The following TNRC6A variants were observed in gnomAD, a reference collection of about 807,000 sequenced individuals.
TNRC6A encodes trinucleotide repeat containing adaptor 6A.
In TNRC6A, 44 loss-of-function variants were observed where a neutral mutation model predicts 221.2. The ratio of observed to expected loss-of-function variants is 0.20; its 90% CI spans 0.16 to 0.26. The LOEUF (loss-of-function observed/expected upper bound fraction) is 0.26, where lower values mean the gene tolerates loss of function less well. Ranked by LOEUF, TNRC6A falls within the 10% of genes least tolerant of loss-of-function variation. The pLI is 1.00. For synonymous variants in TNRC6A, 847 were observed against 838.5 expected (o/e 1.01, Z -0.18); for missense variants, 2,199 against 2,404.4 (o/e 0.91, Z 1.79).
At chr16:24,741,845 TA>T (rs1220130605) in intron 2 of TNRC6A, among the ~76,000 whole-genome samples, 2 of 152,182 alleles carry the variant, frequency 1.3e-5, no homozygotes, top group African/African-American at 4.8e-5. Flanking sequence ...TTTATTTATT[TA>T]TTTTTTGGGG....
intron 2 of TNRC6A, among the ~76,000 whole-genome samples, chr16:24,703,050 TAAA>T (rs869123941): frequency 3.1e-4 from 5 of 16,336 alleles, no homozygotes; most frequent in African/African-American, 1.1e-3. Flanking sequence ...TAAAATAAAA[TAAA>T]ATAAAATAAA....
At chr16:24,652,159 TAAG>T (rs1902708410) in intron 2 of TNRC6A, among the ~76,000 whole-genome samples, 2 of 152,076 alleles carry the variant, frequency 1.3e-5, no homozygotes, top group South Asian at 2.1e-4. Context: ...TTGGATTTAA[TAAG>T]AAGAACGCAT....
intron 2 of TNRC6A, among the ~76,000 whole-genome samples, chr16:24,731,863 CTCTG>C (rs1458710867): frequency 1.3e-5 from 2 of 152,232 alleles, no homozygotes; most frequent in African/African-American, 4.8e-5. Flanking sequence ...CACTTAGCCT[CTCTG>C]TCCAATCTAT....
intron 5 of TNRC6A, chr16:24,778,535 A>G (rs1047184801): frequency 1.4e-5 from 14 of 973,448 alleles, no homozygotes; most frequent in Non-Finnish European, 1.7e-5. Context: ...GTCCTGAGTT[A>G]ATATTTACTT....
chr16:24,699,761 C>T (rs1351298348), intron 2 of TNRC6A, among the ~76,000 whole-genome samples: 1 of 148,078 alleles, frequency 6.8e-6, no homozygotes, highest in African/African-American at 2.5e-5. Flanking sequence ...ATAACAAATA[C>T]AAAAGCCCAG....
Position 24,804,324 on chromosome 16 carries a change from G to A in TNRC6A, c.3837+5G>A. Reference sequence around the variant, plus strand: ...CGCAATCCTTATTTTGATAAGGTAAGGTTTTTTACTTTTACCTCTGACTTG... The same window carrying A: ...CGCAATCCTTATTTTGATAAGGTAAAGTTTTTTACTTTTACCTCTGACTTG... On this transcript the variant is annotated splice_donor_5th_base_variant and intron_variant, in intron 12 of 24. Transcript: ENST00000395799. The A allele has an allele frequency of 6.2e-7, 1 of 1,609,310 alleles. No homozygotes were observed. Among genetic ancestry groups the A allele is most frequent in the Non-Finnish European group, 8.5e-7 (1 of 1,179,058 alleles).
intron 1 of TNRC6A, among the ~76,000 whole-genome samples, chr16:24,626,713 T>G (rs1342895408): frequency 2.7e-5 from 4 of 148,614 alleles, no homozygotes; most frequent in Non-Finnish European, 5.9e-5. Context: ...GCAGTGGCAC[T>G]ATCTCCGCTC....
intron 2 of TNRC6A, among the ~76,000 whole-genome samples, chr16:24,710,667 A>C (rs2056187441): frequency 6.6e-6 from 1 of 151,938 alleles, no homozygotes. Context: ...TTTAATTTAG[A>C]AGCATTTTGT....
chr16:24,817,063 A>C, intron 20 of TNRC6A, 107 bp downstream of exon 20: 2 of 1,183,482 alleles, frequency 1.7e-6, no homozygotes, highest in Non-Finnish European at 2.2e-6. Context: ...GTACTCTGGG[A>C]TCACTTGAGC....
At chr16:24,764,811 C>T (rs916636431) in intron 4 of TNRC6A, among the ~76,000 whole-genome samples, 2 of 152,132 alleles carry the variant, frequency 1.3e-5, no homozygotes, top group Non-Finnish European at 2.9e-5. Context: ...TGCTTGAAAT[C>T]TCGGATAGTA....
chr16:24,626,683 T>C (rs371083822), intron 1 of TNRC6A, among the ~76,000 whole-genome samples: 1 of 147,514 alleles, frequency 6.8e-6, no homozygotes, highest in South Asian at 2.2e-4. Context: ...GGAGTCTCAC[T>C]GTGTCGCCCA....
At chr16:24,761,866 A>C (rs1299631251) in intron 4 of TNRC6A, among the ~76,000 whole-genome samples, 2 of 151,986 alleles carry the variant, frequency 1.3e-5, no homozygotes, top group African/African-American at 4.8e-5. Context: ...TTGATTGTAC[A>C]TTCATTTCAA....
At chr16:24,684,602 G>A (rs762495249) in intron 2 of TNRC6A, among the ~76,000 whole-genome samples, 2 of 152,002 alleles carry the variant, frequency 1.3e-5, no homozygotes, top group Non-Finnish European at 2.9e-5. Flanking sequence ...GGCCAGGAGT[G>A]CAAGACCAAC....
Position 24,724,369 on chromosome 16 carries a change from ATAAT to A in TNRC6A, n.403-26348_403-26345del, listed in dbSNP as rs538310011. On this transcript the variant is annotated intron_variant and non_coding_transcript_variant, in intron 2 of 2. Transcript: ENST00000566108. ...CATGGCTATGTGAAAGCAACAATTA[ATAAT>A]TAATTAATATTTGTGAAGCACTTAG... Among the ~76,000 whole-genome samples the A allele has an allele frequency of 5.9e-5, 9 of 152,340 alleles. No individual in the cohort carries two copies. In the South Asian group the frequency reaches 1.9e-3, roughly 32 times the overall value.
At chr16:24,821,286 A>C (rs1596840464) in intron 22 of TNRC6A, among the ~76,000 whole-genome samples, 2 of 152,214 alleles carry the variant, frequency 1.3e-5, no homozygotes, top group African/African-American at 4.8e-5. Context: ...GAGGGGCGCT[A>C]GTGAAAGTGG....
intron 2 of TNRC6A, among the ~76,000 whole-genome samples, chr16:24,720,616 G>T (rs376052548): frequency 6.6e-6 from 1 of 150,966 alleles, no homozygotes; most frequent in Admixed American, 6.6e-5. Flanking sequence ...ACTTGTGGCT[G>T]GGAGGCAGAG....
intron 2 of TNRC6A, chr16:24,662,055 T>C (rs971035190): frequency 1.3e-5 from 2 of 152,136 alleles, no homozygotes; most frequent in African/African-American, 4.8e-5. Context: ...AGTGAGATAC[T>C]GCCTCTAAAA....
At chr16:24,692,185 C>T (rs561583207) in intron 2 of TNRC6A, among the ~76,000 whole-genome samples, 61 of 152,156 alleles carry the variant, frequency 4.0e-4, no homozygotes, top group South Asian at 2.1e-3. Context: ...CTAGTTGAGT[C>T]GTGGCTCTAA....
At chr16:24,748,931 G>T (rs1009988453) in intron 2 of TNRC6A, among the ~76,000 whole-genome samples, 16 of 152,066 alleles carry the variant, frequency 1.1e-4, no homozygotes, top group Admixed American at 3.9e-4. Flanking sequence ...CTGGAATGCA[G>T]TGGTGCCATC....
Sources: allele counts gnomAD v4.1 joint callset (sites outside exome capture counted in the v4.1 genomes callset), GRCh38; gene constraint gnomAD v4.1.1; transcripts MANE v1.5; gene names NCBI Gene and HGNC (gene_info 2026-07-23, HGNC 2026-07-21).